Variants in JAG1 observed in about 807,000 individuals in gnomAD.
JAG1 encodes jagged canonical Notch ligand 1, also known as protein jagged-1.
JAG1 carries 23 observed loss-of-function variants against 148.7 expected under a neutral mutation model. The observed-to-expected ratio is 0.15, with a 90% CI of 0.11 to 0.22. The LOEUF is 0.22. Ranked by LOEUF, JAG1 falls within the 10% of genes least tolerant of loss-of-function variation. The probability of loss-of-function intolerance (pLI) is 1.00; values close to 1 mark genes in which losing one functional copy is unlikely to be tolerated. For synonymous variants in JAG1, 572 were observed against 598.3 expected (o/e 0.96, Z 0.64); for missense variants, 1,054 against 1,611.2 (o/e 0.65, Z 5.92).
Position 10,642,024 on chromosome 20 carries a change from G to A in JAG1, c.2573-132C>T, listed in dbSNP as rs919441412. ...TAAGATCATTCTTCCCACAGTAACAGCATGTGTACTTCCTGCCTTTGCTGG... is the reference window on the plus strand; with the variant it reads ...TAAGATCATTCTTCCCACAGTAACAACATGTGTACTTCCTGCCTTTGCTGG... On this transcript the variant is annotated intron_variant, in intron 21 of 25. Transcript: ENST00000254958. 4 of 736,388 alleles carry A rather than the reference G, an allele frequency of 5.4e-6. No individual in the cohort carries two copies. In the East Asian group the frequency reaches 1.1e-4, roughly 19 times the overall value. 45.6% of individuals were successfully genotyped at this position (736,388 alleles called of 1,614,324 possible).
chr20:10,658,407 G>A lies in JAG1; in HGVS notation c.694+61C>T, dbSNP rs959318389. On this transcript the variant is annotated intron_variant, in intron 4 of 25. Transcript: ENST00000254958. The stretch of plus-strand genomic sequence containing the variant: ...GCCGCATGCCACCTGCCTGCTGGTG[G>A]GGTGATAAATGGACACTAAAAGCAA... 1.1e-5 allele frequency: 18 copies of A among 1,603,764 alleles called. No individual in the cohort carries two copies. The Admixed American group carries it at 3.0e-4, about 27-fold the overall frequency.
At chr20:10,661,590 G>A (rs2067417728) in intron 3 of JAG1, among the ~76,000 whole-genome samples, 1 of 152,200 alleles carries the variant, frequency 6.6e-6, no homozygotes. Flanking sequence ...AGACAAAGCT[G>A]GGCTGCACAG....
intron 9 of JAG1, 77 bp downstream of exon 9, chr20:10,650,170 A>G (rs1457710072): frequency 1.1e-6 from 1 of 871,152 alleles, no homozygotes; most frequent in East Asian, 2.5e-5. Flanking sequence ...TGCCGGCCAC[A>G]CGCTCGTCTT....
chr20:10,651,222 C>T, intron 8 of JAG1: 1 of 233,092 alleles, frequency 4.3e-6, no homozygotes, highest in Non-Finnish European at 8.6e-6. Context: ...GCCCCCTGGC[C>T]CTATGACAGA....
At position 10,648,661 on chromosome 20, in the gene JAG1, C is replaced by T. The variant is rs772827219; in HGVS notation, c.1457G>A (p.Arg486Lys). ...GTTGCTGGCACATTCATCGATGTCT[C>T]TCTCACAGTGATCGCCTGCATAGCC... ...PPGYAGDHCE[R>K]DIDECASNPC... The change falls in exon 12 of 26, where the codon AGA (arginine) becomes AAA (lysine). Residue 486 changes from arginine to lysine, a missense_variant. Coordinates refer to ENST00000254958, the MANE Select transcript of JAG1 (RefSeq NM_000214.3). The T allele has an allele frequency of 3.1e-6, 5 of 1,614,192 alleles. No homozygotes were observed. Among genetic ancestry groups the T allele is most frequent in the Non-Finnish European group, 4.2e-6 (5 of 1,180,012 alleles).
At position 10,646,103 on chromosome 20, in the gene JAG1, CA is replaced by C; in HGVS notation, c.1886-20del. 1.3e-6 allele frequency: 2 copies of C among 1,568,010 alleles called. No homozygotes were observed. Among genetic ancestry groups the C allele is most frequent in the Non-Finnish European group, 1.8e-6 (2 of 1,138,208 alleles). ...TTAATATCTATGAAACAAAGTAAAGCAAAAAAAGAACTGAAGGACTTGTGAA... is the reference window on the plus strand; with the variant it reads ...TTAATATCTATGAAACAAAGTAAAGCAAAAAAGAACTGAAGGACTTGTGAA... On this transcript the variant is annotated intron_variant, in intron 14 of 25. Transcript: ENST00000254958.
intron 8 of JAG1, chr20:10,651,228 A>G: frequency 4.2e-6 from 1 of 238,594 alleles, no homozygotes. Context: ...TGGCCCTATG[A>G]CAGAATCCAG....
intron 4 of JAG1, among the ~76,000 whole-genome samples, chr20:10,656,886 A>C (rs1023954876): frequency 2.0e-5 from 3 of 151,552 alleles, no homozygotes; most frequent in Non-Finnish European, 2.9e-5. Flanking sequence ...AAAAAAAAAA[A>C]AAAAAAAAAC....
In JAG1 at chr20:10,645,347, AC is replaced by A; in HGVS notation, c.2113+8del. 6.2e-7 allele frequency: 1 copy of A among 1,610,978 alleles called. No individual in the cohort carries two copies. The highest frequency in any genetic ancestry group is 8.5e-7 in the Non-Finnish European group (1 of 1,177,302). ...CCAGAGATAGCATCCAAGGCCAACT[AC>A]CACTTACGTGAGTGGCAGGTCTTTC... On this transcript the variant is annotated splice_region_variant and intron_variant, in intron 16 of 25. Transcript: ENST00000254958. The surrounding 1 kb of genome is among the most constrained non-coding windows in gnomAD (Gnocchi z 6.1).
At position 10,673,087 on chromosome 20, in the gene JAG1, C is replaced by A. The variant is rs2067509223; in HGVS notation, c.82-81G>T. 4 of 1,335,702 alleles carry A rather than the reference C, an allele frequency of 3.0e-6. No individual in the cohort carries two copies. The East Asian group carries it at 9.5e-5, about 32-fold the overall frequency. 82.7% of individuals were successfully genotyped at this position (1,335,702 alleles called of 1,614,324 possible). ...ATAGAGGTGGCGACTCCCTCCCACTCCCCGCCCCGACGAGCCCTCCTCGCC... is the reference window on the plus strand; with the variant it reads ...ATAGAGGTGGCGACTCCCTCCCACTACCCGCCCCGACGAGCCCTCCTCGCC... On this transcript the variant is annotated intron_variant, in intron 1 of 25. Coordinates refer to ENST00000254958, the MANE Select transcript of JAG1 (RefSeq NM_000214.3). The surrounding 1 kb of genome is among the most constrained non-coding windows in gnomAD (Gnocchi z 4.7).
Position 10,648,536 on chromosome 20 carries a change from T to C in JAG1, c.1569+13A>G, listed in dbSNP as rs1166800862. 3 of 1,612,526 alleles carry C rather than the reference T, an allele frequency of 1.9e-6. No homozygotes were observed. Among genetic ancestry groups the C allele is most frequent in the Non-Finnish European group, 8.5e-7 (1 of 1,179,686 alleles). ...CTAAAAACTTGGCCATCTGAGGTTT[T>C]GCCACCACTCACCTGACAGAGGTTT... is the stretch of plus-strand genomic sequence containing the variant. On this transcript the variant is annotated intron_variant, in intron 12 of 25. Coordinates refer to ENST00000254958, the MANE Select transcript of JAG1 (RefSeq NM_000214.3).
rs1568797690 is a variant in JAG1 at position 10,651,578 on chromosome 20, T to C, written c.1120+3A>G. 5.6e-6 allele frequency: 9 copies of C among 1,602,152 alleles called. No homozygotes were observed. Among genetic ancestry groups the C allele is most frequent in the Non-Finnish European group, 7.7e-6 (9 of 1,169,478 alleles). ...ATGGACACAGGCTGAAAATTGGACT[T>C]ACTTGTAGAGCATGTGGGGCCGGTC... On this transcript the variant is annotated splice_donor_region_variant and intron_variant, in intron 8 of 25. Transcript: ENST00000254958.
At chr20:10,657,545 A>G (rs1045656399) in intron 4 of JAG1, among the ~76,000 whole-genome samples, 3 of 152,142 alleles carry the variant, frequency 2.0e-5, no homozygotes, top group Non-Finnish European at 2.9e-5. Context: ...TCCTTCCCCC[A>G]TGACCCACCC....
At chr20:10,658,287 G>C (rs1253187119) in intron 4 of JAG1, among the ~76,000 whole-genome samples, 181 bp downstream of exon 4, 1 of 152,124 alleles carries the variant, frequency 6.6e-6, no homozygotes, top group African/African-American at 2.4e-5. Flanking sequence ...GCCAGTAAAG[G>C]GGATCTGGAT....
In JAG1 at chr20:10,652,574, C is replaced by G. The variant is rs2067354507; in HGVS notation, c.780G>C (p.Leu260=). 1 of 1,613,876 alleles carries G rather than the reference C, an allele frequency of 6.2e-7. No individual in the cohort carries two copies. Residue 260 remains leucine (L), a synonymous_variant, in exon 6 of 26, where the codon CTG becomes CTC. Coordinates refer to ENST00000254958, the MANE Select transcript of JAG1 (RefSeq NM_000214.3). ...DCRCQYGWQG[L]YCDKCIPHPG... ...GGTGTGGGATGCACTTATCACAGTA[C>G]AGGCCTTGCCAGCCGTACTGGCACC...
At chr20:10,671,446 T>G (rs2067494166) in intron 2 of JAG1, among the ~76,000 whole-genome samples, 1 of 152,054 alleles carries the variant, frequency 6.6e-6, no homozygotes, top group South Asian at 2.1e-4. Flanking sequence ...TAATGCCAGC[T>G]CCTGTAATCG....
rs35826283 is a variant in JAG1, at chr20:10,659,559, C to CTTTTTTTTTTTT, written c.440-849_440-838dup. Among the ~76,000 whole-genome samples, 60 of 105,154 alleles carry CTTTTTTTTTTTT rather than the reference C, an allele frequency of 5.7e-4. 10 individuals carry two copies. The highest frequency in any genetic ancestry group is 2.1e-3 in the African/African-American group (56 of 27,214). The allele number at this position is 105,154 out of a possible 152,430, so 69.0% of individuals were successfully genotyped here. On this transcript the variant is annotated intron_variant, in intron 3 of 25. Coordinates refer to ENST00000254958, the MANE Select transcript of JAG1 (RefSeq NM_000214.3). The stretch of plus-strand genomic sequence containing the variant: ...GGAAGCCAAGGAGACGATTAAGTTA[C>CTTTTTTTTTTTT]TTTTTTTTTTTTTTTTTTTTTTTTT...
rs1478803043 is a variant in JAG1, at chr20:10,673,681, A to C, written c.-151T>G. 1 of 284,718 alleles carries C rather than the reference A, an allele frequency of 3.5e-6. No individual in the cohort carries two copies. The highest frequency in any genetic ancestry group is 6.3e-6 in the Non-Finnish European group (1 of 157,654). The allele number at this position is 284,718 out of a possible 1,614,324, so 17.6% of individuals were successfully genotyped here. A position where few individuals can be genotyped will look rare whatever the true frequency, so the allele number is the denominator to read the frequency against. On this transcript the variant is annotated 5_prime_UTR_variant, in exon 1 of 26. Coordinates refer to ENST00000254958, the MANE Select transcript of JAG1 (RefSeq NM_000214.3). This position sits in a 1 kb window ranked among gnomAD's most constrained non-coding sequence, Gnocchi z 4.7. ...TTGGAGCATGCACGACTGGAAAACA[A>C]CACCACTTTTCAAAAGCCCTTTCAA...
At chr20:10,671,350 T>C (rs1317458401) in intron 2 of JAG1, among the ~76,000 whole-genome samples, 3 of 151,290 alleles carry the variant, frequency 2.0e-5, no homozygotes, top group Admixed American at 6.5e-5. Flanking sequence ...ACAGACAGCG[T>C]TGGTTTTAAT....
Sources: allele counts gnomAD v4.1 joint callset (sites outside exome capture counted in the v4.1 genomes callset), GRCh38; gene constraint gnomAD v4.1.1; non-coding constraint Gnocchi (gnomAD v3.1); transcripts MANE v1.5; gene names NCBI Gene and HGNC (gene_info 2026-07-23, HGNC 2026-07-21).